Variants in TENM3 observed in about 807,000 individuals in gnomAD.
TENM3 encodes teneurin-3.
A neutral mutation model predicts 255.1 loss-of-function variants in TENM3; 63 were observed. The observed-to-expected ratio is 0.25, with a 90% CI of 0.20 to 0.30. TENM3 has a LOEUF of 0.30. TENM3 is among the 10% of genes least tolerant of loss of function. The pLI is 1.00. For synonymous variants in TENM3, 1,306 were observed against 1,322.3 expected (o/e 0.99, Z 0.27); for missense variants, 2,929 against 3,461.1 (o/e 0.85, Z 3.86).
At chr4:182,094,749 A>C in the TENM3 span, among the ~76,000 whole-genome samples, 1 of 152,216 alleles carries the variant, frequency 6.6e-6, no homozygotes, top group African/African-American at 2.4e-5. Flanking sequence ...AAACAACCTA[A>C]GACATTAAGG....
chr4:181,964,783 G>A, the TENM3 span, among the ~76,000 whole-genome samples: 3 of 152,080 alleles, frequency 2.0e-5, no homozygotes, highest in Non-Finnish European at 4.4e-5. Flanking sequence ...CGTAGATACA[G>A]GGACAAACAT....
intron 1 of TENM3, among the ~76,000 whole-genome samples, chr4:182,213,212 AGAATGCATTT>A (rs1561204206): frequency 6.6e-6 from 1 of 152,244 alleles, no homozygotes; most frequent in Non-Finnish European, 1.5e-5. Flanking sequence ...TGAATAAGGC[AGAATGCATTT>A]AGTCTTGTAG....
At chr4:182,747,951 T>G (rs1762125657) in intron 19 of TENM3, among the ~76,000 whole-genome samples, 1 of 152,234 alleles carries the variant, frequency 6.6e-6, no homozygotes, top group African/African-American at 2.4e-5. Flanking sequence ...TCTTGTGTTC[T>G]AAAGGCTGTG....
chr4:182,744,217 T>G, intron 19 of TENM3: 1 of 895,478 alleles, frequency 1.1e-6, no homozygotes, highest in Non-Finnish European at 1.3e-6. Flanking sequence ...TTTTTACATT[T>G]CAATGTGACC....
the TENM3 span, among the ~76,000 whole-genome samples, chr4:181,534,961 T>C: frequency 1.3e-5 from 2 of 152,196 alleles, no homozygotes; most frequent in African/African-American, 4.8e-5. Context: ...TGAGCCTTTC[T>C]TTCTGCACAG....
the TENM3 span, among the ~76,000 whole-genome samples, chr4:181,839,140 A>T: frequency 6.6e-6 from 1 of 150,854 alleles, no homozygotes; most frequent in African/African-American, 2.4e-5. Flanking sequence ...GTAATTTAGA[A>T]ATAGATTTCT....
rs34681777 is a variant in TENM3, at chr4:182,590,538, CAAAAA to C, written c.512-10367_512-10363del. 2.1e-3 allele frequency among the ~76,000 whole-genome samples: 170 copies of C among 79,988 alleles called. 1 individual carries two copies. The highest frequency in any genetic ancestry group is 5.2e-3 in the African/African-American group (103 of 19,630). 52.5% of individuals were successfully genotyped at this position (79,988 alleles called of 152,430 possible). A position where few individuals can be genotyped will look rare whatever the true frequency, so the allele number is the denominator to read the frequency against. On this transcript the variant is annotated intron_variant, in intron 3 of 27. Coordinates refer to ENST00000511685, the MANE Select transcript of TENM3 (RefSeq NM_001080477.4). ...CCAGCAATAGAGCGAGACCCTGTCT[CAAAAA>C]AAAAAAAAAAAAAAAAAAGAAAAAG...
intron 3 of TENM3, among the ~76,000 whole-genome samples, chr4:182,479,406 A>G (rs992932151): frequency 2.0e-5 from 3 of 151,906 alleles, no homozygotes; most frequent in Non-Finnish European, 2.9e-5. Context: ...GATTATAAAT[A>G]TATTTATTAT....
chr4:182,406,669 C>T (rs1769605058), intron 3 of TENM3, among the ~76,000 whole-genome samples: 1 of 152,214 alleles, frequency 6.6e-6, no homozygotes, highest in Admixed American at 6.5e-5. Flanking sequence ...TTCCTCCCCC[C>T]AGTTTTAACT....
chr4:182,670,692 A>G (rs938277754), intron 6 of TENM3, among the ~76,000 whole-genome samples: 6 of 152,116 alleles, frequency 3.9e-5, no homozygotes, highest in African/African-American at 1.4e-4. Context: ...CTCAAACCTC[A>G]CATTTATCTG....
At chr4:181,553,481 G>T in the TENM3 span, among the ~76,000 whole-genome samples, 11 of 151,752 alleles carry the variant, frequency 7.2e-5, no homozygotes, top group African/African-American at 1.5e-4. Flanking sequence ...TGGCTCTGTC[G>T]CCCAGGCTGG....
intron 1 of TENM3, chr4:182,169,282 T>C (rs781389589): frequency 3.5e-5 from 17 of 479,612 alleles, no homozygotes; most frequent in Middle Eastern, 3.2e-4. Flanking sequence ...ATTTGGGGTA[T>C]AGCATTTCAG....
chr4:182,419,744 A>G (rs1173407330), intron 3 of TENM3, among the ~76,000 whole-genome samples: 1 of 152,052 alleles, frequency 6.6e-6, no homozygotes, highest in Admixed American at 6.6e-5. Flanking sequence ...GCTGGAAACC[A>G]TCATTCTGAG....
At chr4:181,907,740 C>T in the TENM3 span, among the ~76,000 whole-genome samples, 1 of 152,100 alleles carries the variant, frequency 6.6e-6, no homozygotes, top group Admixed American at 6.5e-5. Context: ...TCTGGGGCAG[C>T]CAACGCAGGA....
the TENM3 span, among the ~76,000 whole-genome samples, chr4:181,722,833 TCAA>T: frequency 6.6e-6 from 1 of 152,120 alleles, no homozygotes; most frequent in Non-Finnish European, 1.5e-5. Flanking sequence ...CTGCAGGTAC[TCAA>T]CAACACACTC....
the TENM3 span, among the ~76,000 whole-genome samples, chr4:181,599,040 T>G: frequency 6.6e-6 from 1 of 152,200 alleles, no homozygotes. Context: ...CAGCTTTATT[T>G]TCTCAGCAAC....
At chr4:181,461,189 A>G in the TENM3 span, among the ~76,000 whole-genome samples, 1,431 of 152,112 alleles carry the variant, frequency 9.4e-3, 18 homozygotes, top group African/African-American at 0.031. Flanking sequence ...TCTGGGATAG[A>G]AAGGTCTTGC....
chr4:181,685,466 C>T, the TENM3 span, among the ~76,000 whole-genome samples: 1 of 152,156 alleles, frequency 6.6e-6, no homozygotes, highest in Non-Finnish European at 1.5e-5. Flanking sequence ...AATCTCATTA[C>T]ATTTGTAATG....
At chr4:181,971,484 A>G in the TENM3 span, among the ~76,000 whole-genome samples, 1 of 152,198 alleles carries the variant, frequency 6.6e-6, no homozygotes, top group Admixed American at 6.5e-5. Flanking sequence ...CTTTGGACAT[A>G]CTAACTTAAT....
Sources: allele counts gnomAD v4.1 joint callset (sites outside exome capture counted in the v4.1 genomes callset), GRCh38; gene constraint gnomAD v4.1.1; transcripts MANE v1.5; gene names NCBI Gene and HGNC (gene_info 2026-07-23, HGNC 2026-07-21).